The following ARMH3 variants were observed in gnomAD, a reference collection of about 807,000 sequenced individuals.
ARMH3 encodes armadillo-like helical domain-containing protein 3.
A neutral mutation model predicts 99.1 loss-of-function variants in ARMH3; 60 were observed. That is an observed-to-expected ratio of 0.61 (90% CI 0.49 to 0.75). ARMH3 has a LOEUF of 0.75. Ranked by LOEUF, ARMH3 falls within the 30% of genes least tolerant of loss-of-function variation. The pLI, the probability that ARMH3 is intolerant of heterozygous loss-of-function variation, is 0.00. For missense variants in ARMH3, 679 were observed against 843.1 expected, an observed-to-expected ratio of 0.81 and a Z score of 2.41; for synonymous variants, 285 against 292.8, an observed-to-expected ratio of 0.97 and a Z score of 0.27.
intron 23 of ARMH3, among the ~76,000 whole-genome samples, chr10:101,916,163 AAG>A (rs1843079693): frequency 6.6e-6 from 1 of 152,234 alleles, no homozygotes; most frequent in Admixed American, 6.5e-5. Context: ...AGAAATAACA[AAG>A]CTTTAAAATG....
intron 24 of ARMH3, among the ~76,000 whole-genome samples, chr10:101,869,504 A>G (rs908403941): frequency 2.0e-5 from 3 of 152,250 alleles, no homozygotes; most frequent in South Asian, 2.1e-4. Context: ...ACATTACTAT[A>G]TATCACCAGA....
rs555408751 is a variant in ARMH3, at chr10:102,029,858, G to A, written c.307-113C>T. 1.0e-5 allele frequency: 11 copies of A among 1,069,812 alleles called. No individual in the cohort carries two copies. The African/African-American group carries it at 1.6e-4, about 15-fold the overall frequency. The allele number at this position is 1,069,812 out of a possible 1,614,324, so 66.3% of individuals were successfully genotyped here. A position where few individuals can be genotyped will look rare whatever the true frequency, so the allele number is the denominator to read the frequency against. On this transcript the variant is annotated intron_variant, in intron 4 of 25. Coordinates refer to ENST00000370033, the MANE Select transcript of ARMH3 (RefSeq NM_024541.3). ...CACTGAATAAATTCAATTTCTCTGA[G>A]TTCTGAGCTCCAAAACACAGTCTGA...
intron 24 of ARMH3, among the ~76,000 whole-genome samples, chr10:101,850,616 G>A (rs1046432736): frequency 6.7e-6 from 1 of 150,176 alleles, no homozygotes; most frequent in Non-Finnish European, 1.5e-5. Flanking sequence ...GTAGAGATGT[G>A]ATTTCTCCAT....
At chr10:101,993,782 AGT>A (rs1846923546) in intron 16 of ARMH3, among the ~76,000 whole-genome samples, 179 bp from the exon 17 acceptor site, 1 of 152,176 alleles carries the variant, frequency 6.6e-6, no homozygotes, top group Non-Finnish European at 1.5e-5. Flanking sequence ...ATTTTTCTTT[AGT>A]GTAATTTCCC....
chr10:101,935,063 C>T (rs1389377353), intron 23 of ARMH3, among the ~76,000 whole-genome samples: 1 of 151,702 alleles, frequency 6.6e-6, no homozygotes, highest in African/African-American at 2.4e-5. Context: ...TGCTGCAGTT[C>T]ACCAAGCAGC....
intron 20 of ARMH3, among the ~76,000 whole-genome samples, chr10:101,971,506 A>C (rs1003532795): frequency 2.6e-5 from 4 of 152,016 alleles, no homozygotes; most frequent in African/African-American, 4.8e-5. Flanking sequence ...ACCCGCAATC[A>C]CACCACTGCT....
At chr10:101,892,842 A>G (rs919277180) in intron 23 of ARMH3, among the ~76,000 whole-genome samples, 4 of 152,256 alleles carry the variant, frequency 2.6e-5, no homozygotes, top group African/African-American at 9.6e-5. Flanking sequence ...TAAATATTCA[A>G]TAAGTGAATA....
At chr10:101,928,167 C>T (rs2135647503) in intron 23 of ARMH3, among the ~76,000 whole-genome samples, 1 of 152,288 alleles carries the variant, frequency 6.6e-6, no homozygotes, top group East Asian at 1.9e-4. Context: ...AGTAAGGTCA[C>T]CAGATACATA....
chr10:101,915,364 A>G (rs1356095060), intron 23 of ARMH3, among the ~76,000 whole-genome samples: 1 of 152,178 alleles, frequency 6.6e-6, no homozygotes, highest in African/African-American at 2.4e-5. Flanking sequence ...TCTGAGACAA[A>G]ATGATGGCTA....
chr10:101,998,205 A>G (rs1847149301), intron 15 of ARMH3, among the ~76,000 whole-genome samples: 2 of 152,330 alleles, frequency 1.3e-5, no homozygotes, highest in South Asian at 4.1e-4. Context: ...CAAAGCTAAA[A>G]GTTCATTTTC....
At chr10:101,882,578 C>A (rs1201588272) in intron 24 of ARMH3, among the ~76,000 whole-genome samples, 1 of 152,204 alleles carries the variant, frequency 6.6e-6, no homozygotes, top group Non-Finnish European at 1.5e-5. Flanking sequence ...CGGCTCACTG[C>A]AATCTCTGCC....
At chr10:102,045,857 G>A (rs2067537099) in intron 1 of ARMH3, among the ~76,000 whole-genome samples, 2 of 152,142 alleles carry the variant, frequency 1.3e-5, no homozygotes, top group Admixed American at 6.6e-5. Context: ...CACTTTGGGA[G>A]GCCGAGGTAG....
intron 22 of ARMH3, among the ~76,000 whole-genome samples, chr10:101,947,323 T>C (rs1281562463): frequency 1.3e-5 from 2 of 151,880 alleles, no homozygotes; most frequent in African/African-American, 4.8e-5. Flanking sequence ...TACTTAAAGA[T>C]AAAAATTACC....
intron 8 of ARMH3, among the ~76,000 whole-genome samples, chr10:102,014,231 C>T (rs767425841): frequency 1.3e-5 from 2 of 152,216 alleles, no homozygotes; most frequent in Non-Finnish European, 2.9e-5. Flanking sequence ...CAAGTGTACA[C>T]ACAAATACAC....
At chr10:101,910,865 C>T (rs1331388889) in intron 23 of ARMH3, among the ~76,000 whole-genome samples, 44 of 151,210 alleles carry the variant, frequency 2.9e-4, no homozygotes, top group Non-Finnish European at 4.0e-4. Context: ...GTGGGCTGGG[C>T]GCGGTGACTC....
chr10:101,950,552 T>C (rs770073416), intron 22 of ARMH3, among the ~76,000 whole-genome samples: 13 of 152,226 alleles, frequency 8.5e-5, no homozygotes, highest in Admixed American at 1.3e-4. Context: ...CCTAAATGTC[T>C]ACCAATTGAT....
chr10:101,985,117 A>G (rs1393855578), intron 19 of ARMH3, among the ~76,000 whole-genome samples: 1 of 147,732 alleles, frequency 6.8e-6, no homozygotes, highest in African/African-American at 2.5e-5. Context: ...ACACACGTGT[A>G]CATATATATA....
intron 19 of ARMH3, 85 bp downstream of exon 19, chr10:101,990,466 C>T (rs933332554): frequency 9.3e-6 from 10 of 1,077,358 alleles, no homozygotes; most frequent in Admixed American, 2.4e-5. Flanking sequence ...CCATGGCGCC[C>T]GGCCTACACA....
At chr10:101,966,285 GTTTTTTTTTTTTT>G (rs34196495) in intron 20 of ARMH3, among the ~76,000 whole-genome samples, 1 of 80,660 alleles carries the variant, frequency 1.2e-5, no homozygotes, top group Non-Finnish European at 2.2e-5. Flanking sequence ...TTTGGTTTGG[GTTTTTTTTTTTTT>G]TTTTTTTTTT....
Sources: gnomAD v4.1 joint callset for allele counts (sites outside exome capture counted in the v4.1 genomes callset) on GRCh38, gnomAD v4.1.1 for gene constraint, MANE v1.5 for transcripts, NCBI Gene and HGNC (gene_info 2026-07-23, HGNC 2026-07-21) for gene names.